CACNA2D3: variants seen among roughly 807,000 people sequenced by gnomAD.
The protein encoded by CACNA2D3 is calcium voltage-gated channel auxiliary subunit alpha2delta 3, also known as voltage-dependent calcium channel subunit alpha-2/delta-3.
A neutral mutation model predicts 160.6 loss-of-function variants in CACNA2D3; 60 were observed. The observed-to-expected ratio is 0.37, with a 90% CI of 0.30 to 0.46. The LOEUF (loss-of-function observed/expected upper bound fraction) is 0.46, where lower values mean the gene tolerates loss of function less well. Among genes scored for constraint, CACNA2D3 ranks in the 20% least tolerant of loss-of-function variants. The pLI is 1.00. For synonymous variants in CACNA2D3, 558 were observed against 492.9 expected, an observed-to-expected ratio of 1.13 and a Z score of -1.75; for missense variants, 1,205 against 1,365.0, an observed-to-expected ratio of 0.88 and a Z score of 1.85.
At chr3:54,589,536 A>G (rs1479966526) in intron 9 of CACNA2D3, among the ~76,000 whole-genome samples, 2 of 151,070 alleles carry the variant, frequency 1.3e-5, no homozygotes, top group Non-Finnish European at 3.0e-5. Context: ...AAAATTTGTT[A>G]AAATGGATCT....
intron 27 of CACNA2D3, among the ~76,000 whole-genome samples, chr3:54,903,568 T>C (rs1226428689): frequency 6.6e-6 from 1 of 152,240 alleles, no homozygotes; most frequent in East Asian, 1.9e-4. Context: ...TTCGGGTATA[T>C]ACCCAGAAAT....
chr3:54,713,717 G>T (rs568067692), intron 11 of CACNA2D3, among the ~76,000 whole-genome samples: 6 of 152,170 alleles, frequency 3.9e-5, no homozygotes, highest in Non-Finnish European at 8.8e-5. Context: ...CTCTGGGAGG[G>T]TTCATACACA....
chr3:54,952,709 C>A (rs1021436803), intron 27 of CACNA2D3, among the ~76,000 whole-genome samples: 1 of 152,178 alleles, frequency 6.6e-6, no homozygotes, highest in African/African-American at 2.4e-5. Context: ...GCATAGTTCC[C>A]TCCAGCTTCC....
intron 35 of CACNA2D3, among the ~76,000 whole-genome samples, chr3:55,024,242 G>A (rs1384969892): frequency 1.3e-5 from 2 of 150,496 alleles, no homozygotes; most frequent in Non-Finnish European, 2.9e-5. Flanking sequence ...GTGATTTGGG[G>A]GATTATAATA....
intron 2 of CACNA2D3, among the ~76,000 whole-genome samples, chr3:54,203,625 G>A (rs1469062764): frequency 1.3e-5 from 2 of 152,194 alleles, no homozygotes; most frequent in Non-Finnish European, 2.9e-5. Context: ...AAGGGAGATG[G>A]TTTTCCTCTG....
intron 5 of CACNA2D3, among the ~76,000 whole-genome samples, chr3:54,543,069 A>G (rs1395647062): frequency 6.6e-6 from 1 of 152,170 alleles, no homozygotes; most frequent in Admixed American, 6.5e-5. Flanking sequence ...TACATTTGTG[A>G]GGAAGTTACA....
intron 5 of CACNA2D3, among the ~76,000 whole-genome samples, chr3:54,555,706 C>G (rs770950504): frequency 2.0e-5 from 3 of 152,030 alleles, no homozygotes; most frequent in African/African-American, 7.3e-5. Flanking sequence ...TTTCATGTCT[C>G]GGAAGGTAGA....
intron 5 of CACNA2D3, among the ~76,000 whole-genome samples, chr3:54,549,363 G>T (rs1479150259): frequency 1.3e-5 from 2 of 152,306 alleles, no homozygotes; most frequent in Admixed American, 1.3e-4. Flanking sequence ...GGAGAATGGC[G>T]TGAACCCAGG....
At chr3:54,204,088 C>T (rs1470328371) in intron 2 of CACNA2D3, among the ~76,000 whole-genome samples, 2 of 151,952 alleles carry the variant, frequency 1.3e-5, no homozygotes, top group Non-Finnish European at 2.9e-5. Context: ...GCTGAGACAT[C>T]TCATACCATT....
intron 9 of CACNA2D3, among the ~76,000 whole-genome samples, chr3:54,602,516 AAAAAAG>A (rs1703080775): frequency 6.6e-6 from 1 of 151,536 alleles, no homozygotes; most frequent in African/African-American, 2.4e-5. Flanking sequence ...AAAAAAAAAA[AAAAAAG>A]GGAAAAAAGA....
At chr3:54,427,112 C>T (rs916103313) in intron 4 of CACNA2D3, among the ~76,000 whole-genome samples, 10 of 152,082 alleles carry the variant, frequency 6.6e-5, no homozygotes, top group Non-Finnish European at 7.4e-5. Flanking sequence ...AAGGCAGGAA[C>T]GAGACTGTTT....
intron 27 of CACNA2D3, among the ~76,000 whole-genome samples, chr3:54,907,729 C>G (rs1700475672): frequency 1.3e-5 from 2 of 152,106 alleles, no homozygotes; most frequent in Non-Finnish European, 2.9e-5. Context: ...TGCCTCAGAG[C>G]TGAGGTTCGC....
At chr3:54,708,124 G>A (rs1700889562) in intron 11 of CACNA2D3, among the ~76,000 whole-genome samples, 1 of 152,148 alleles carries the variant, frequency 6.6e-6, no homozygotes, top group African/African-American at 2.4e-5. Flanking sequence ...AAAGAACTCA[G>A]GGGCCTTATA....
chr3:54,851,438 C>G (rs138991229), intron 17 of CACNA2D3, among the ~76,000 whole-genome samples: 2 of 152,256 alleles, frequency 1.3e-5, no homozygotes, highest in African/African-American at 4.8e-5. Context: ...TGACGTCTCC[C>G]AGATCACATA....
chr3:54,130,017 C>T (rs1699677274), intron 2 of CACNA2D3, among the ~76,000 whole-genome samples: 1 of 152,188 alleles, frequency 6.6e-6, no homozygotes, highest in South Asian at 2.1e-4. Flanking sequence ...TGTTCAGCGT[C>T]TGGAATTTTG....
rs112501595 is a variant in CACNA2D3, at chr3:54,960,231, C to T, written c.2450-8219C>T. Reference sequence around the variant, plus strand: ...CCTCAGCAAAGAAAATCTTCTGCTGCGGCCTTGTCAATGGTGTGATAATGT... The same window carrying T: ...CCTCAGCAAAGAAAATCTTCTGCTGTGGCCTTGTCAATGGTGTGATAATGT... On this transcript the variant is annotated intron_variant, in intron 27 of 37. Transcript: ENST00000474759. Among the ~76,000 whole-genome samples the T allele has an allele frequency of 6.6e-5, 10 of 152,262 alleles. 1 individual carries two copies. Among genetic ancestry groups the T allele is most frequent in the African/African-American group, 2.2e-4 (9 of 41,552 alleles).
chr3:54,739,836 C>T (rs1701612928), intron 11 of CACNA2D3, among the ~76,000 whole-genome samples: 5 of 149,162 alleles, frequency 3.4e-5, no homozygotes. Context: ...TAACTATTTA[C>T]ATTTAGTTTT....
intron 4 of CACNA2D3, among the ~76,000 whole-genome samples, chr3:54,425,969 C>T (rs1428052351): frequency 6.6e-6 from 1 of 152,244 alleles, no homozygotes; most frequent in African/African-American, 2.4e-5. Context: ...TACTCCTAGC[C>T]TCAGAGACAG....
chr3:54,283,529 T>A (rs1018063503), intron 2 of CACNA2D3, among the ~76,000 whole-genome samples: 81 of 152,220 alleles, frequency 5.3e-4, no homozygotes, highest in Non-Finnish European at 3.1e-4. Flanking sequence ...GAAGTATTAA[T>A]AACAAGAGGA....
Sources: gnomAD v4.1 joint callset for allele counts (sites outside exome capture counted in the v4.1 genomes callset) on GRCh38, gnomAD v4.1.1 for gene constraint, MANE v1.5 for transcripts, NCBI Gene and HGNC (gene_info 2026-07-23, HGNC 2026-07-21) for gene names.